The following TNIP1 variants were observed in gnomAD, a reference collection of about 807,000 sequenced individuals.
TNIP1 encodes the protein TNFAIP3 interacting protein 1, also known as TNFAIP3-interacting protein 1.
A neutral mutation model predicts 86.6 loss-of-function variants in TNIP1; 22 were observed. That is an observed-to-expected ratio of 0.25 (90% CI 0.18 to 0.36). The LOEUF (loss-of-function observed/expected upper bound fraction) is 0.36, where lower values mean the gene tolerates loss of function less well. Among genes scored for constraint, TNIP1 ranks in the 10% least tolerant of loss-of-function variants. The pLI, the probability that TNIP1 is intolerant of heterozygous loss-of-function variation, is 1.00. For synonymous variants in TNIP1, 294 were observed against 313.0 expected (o/e 0.94, Z 0.64); for missense variants, 709 against 820.6 (o/e 0.86, Z 1.66).
At chr5:151,086,321 T>A (rs1310083093) in intron 1 of TNIP1, among the ~76,000 whole-genome samples, 1 of 152,206 alleles carries the variant, frequency 6.6e-6, no homozygotes, top group African/African-American at 2.4e-5. Flanking sequence ...CTGCGTCAGC[T>A]GTGTCTGCCT....
intron 15 of TNIP1, chr5:151,034,762 G>A (rs1757480639): frequency 3.8e-6 from 2 of 530,732 alleles, no homozygotes; most frequent in Non-Finnish European, 6.8e-6. Context: ...GCCAAAGAAG[G>A]CTAGTCACAT....
Position 151,081,016 on chromosome 5 carries a change from G to A in TNIP1, c.-173C>T, listed in dbSNP as rs1312837906. The A allele has an allele frequency of 1.3e-5, 2 of 152,112 alleles. No individual in the cohort carries two copies. The highest frequency in any genetic ancestry group is 2.4e-5 in the African/African-American group (1 of 41,426). 9.4% of individuals were successfully genotyped at this position (152,112 alleles called of 1,614,324 possible). On this transcript the variant is annotated 5_prime_UTR_variant, in exon 1 of 18. Coordinates refer to ENST00000521591, the MANE Select transcript of TNIP1 (RefSeq NM_006058.5). ...GCTCCTGGACGGGGGCAGGGCACCCGGGCCGAGGACGAGGAAGTGCCGGGG... is the reference window on the plus strand; with the variant it reads ...GCTCCTGGACGGGGGCAGGGCACCCAGGCCGAGGACGAGGAAGTGCCGGGG...
intron 16 of TNIP1, 154 bp downstream of exon 16, chr5:151,033,454 C>T: frequency 3.9e-6 from 2 of 507,396 alleles, no homozygotes; most frequent in Non-Finnish European, 7.0e-6. Context: ...TGGGTAGCAG[C>T]CCAGAGCCAG....
chr5:151,061,546 T>C (rs919618654), intron 4 of TNIP1, among the ~76,000 whole-genome samples: 1 of 151,790 alleles, frequency 6.6e-6, no homozygotes, highest in Non-Finnish European at 1.5e-5. Context: ...GGCATCAACA[T>C]GGCTCACTGC....
intron 7 of TNIP1, among the ~76,000 whole-genome samples, chr5:151,050,660 GTCTCGT>G (rs1759792881): frequency 6.6e-6 from 1 of 151,988 alleles, no homozygotes; most frequent in Non-Finnish European, 1.5e-5. Context: ...TTGAGATAGG[GTCTCGT>G]TCTGTCACCC....
chr5:151,055,800 A>C (rs1241229230), intron 6 of TNIP1, among the ~76,000 whole-genome samples: 1 of 152,224 alleles, frequency 6.6e-6, no homozygotes, highest in African/African-American at 2.4e-5. Context: ...TGCAGGGAGT[A>C]AGGAGGCTTC....
chr5:151,040,795 T>C (rs2113379648), intron 11 of TNIP1, among the ~76,000 whole-genome samples: 1 of 152,290 alleles, frequency 6.6e-6, no homozygotes, highest in Middle Eastern at 3.4e-3. Context: ...GCAATCCAGG[T>C]TGAAAATGTC....
At chr5:151,065,629 G>A (rs1398618547) in intron 1 of TNIP1, among the ~76,000 whole-genome samples, 1 of 152,144 alleles carries the variant, frequency 6.6e-6, no homozygotes. Context: ...CTCTGAGGGA[G>A]GGAAATGAAA....
At chr5:151,059,822 AGAGAGAGTGTGTGT>A (rs1472245249) in intron 5 of TNIP1, among the ~76,000 whole-genome samples, 5 of 86,494 alleles carry the variant, frequency 5.8e-5, no homozygotes, top group Non-Finnish European at 8.5e-5. Context: ...AGAGAGAGAG[AGAGAGAGTGTGTGT>A]GTGTGTGTGT....
At chr5:151,067,651 A>C (rs1291349524) in intron 1 of TNIP1, among the ~76,000 whole-genome samples, 2 of 152,216 alleles carry the variant, frequency 1.3e-5, no homozygotes, top group African/African-American at 4.8e-5. Context: ...TGTAGATTAG[A>C]GGCTGCATGA....
intron 8 of TNIP1, among the ~76,000 whole-genome samples, chr5:151,047,458 C>T (rs1020340515): frequency 6.6e-6 from 1 of 152,146 alleles, no homozygotes; most frequent in Non-Finnish European, 1.5e-5. Context: ...CAACTGAATG[C>T]AATGTGGGAT....
chr5:151,035,832 G>A (rs940803872), intron 13 of TNIP1, 125 bp from the exon 14 acceptor site: 10 of 1,233,696 alleles, frequency 8.1e-6, no homozygotes, highest in African/African-American at 1.5e-5. Context: ...GCCATGGGGA[G>A]TGGGACAGCT....
At chr5:151,063,946 G>A (rs17111708) in intron 2 of TNIP1, among the ~76,000 whole-genome samples, 199 bp from the exon 3 acceptor site, 17,736 of 152,144 alleles carry the variant, frequency 0.12, 1,265 homozygotes, top group African/African-American at 0.2. Flanking sequence ...GAGCAAGGAC[G>A]AGGGCCCAGC....
Position 151,063,656 on chromosome 5 carries a change from A to C in TNIP1, c.228T>G (p.Pro76=). ...LVKDNELLPP[P]SPSLGSFDPL... ...GGTCGAAGGAGCCCAAGGAGGGAGA[A>C]GGTGGTGGGAGCAGCTCGTTGTCCT... Residue 76 remains proline (P), a synonymous_variant, in exon 3 of 18, where the codon CCT becomes CCG. Coordinates refer to ENST00000521591, the MANE Select transcript of TNIP1 (RefSeq NM_006058.5). 1 of 1,614,058 alleles carries C rather than the reference A, an allele frequency of 6.2e-7. No individual in the cohort carries two copies. Among genetic ancestry groups the C allele is most frequent in the Non-Finnish European group, 8.5e-7 (1 of 1,180,000 alleles).
chr5:151,039,031 G>T, intron 12 of TNIP1, 66 bp downstream of exon 12: 1 of 1,562,774 alleles, frequency 6.4e-7, no homozygotes. Flanking sequence ...GGGTGCCAGT[G>T]ATGGGGTGGG....
rs141094247 is a variant in TNIP1, at chr5:151,036,918, G to C, written c.1267C>G (p.Leu423Val). The change falls in exon 13 of 18, where the codon CTG becomes GTG. Residue 423 changes from leucine (L) to valine (V), a missense_variant. Coordinates refer to ENST00000521591, the MANE Select transcript of TNIP1 (RefSeq NM_006058.5). ...EKEIQRLNKA[L>V]EEALSIQTPP... ...GTTTGGATGCTCAGTGCTTCCTCCA[G>C]GGCCTGGAATCAGGAAAAGATGGGA... 2.1e-5 allele frequency: 34 copies of C among 1,600,226 alleles called. No individual in the cohort carries two copies. Among genetic ancestry groups the C allele is most frequent in the Admixed American group, 1.0e-4 (6 of 58,186 alleles).
At chr5:151,069,850 G>A (rs1358352083) in intron 1 of TNIP1, among the ~76,000 whole-genome samples, 5 of 152,184 alleles carry the variant, frequency 3.3e-5, no homozygotes, top group Non-Finnish European at 5.9e-5. Flanking sequence ...CACAGAAACC[G>A]GGTGATGGCT....
upstream of TNIP1, among the ~76,000 whole-genome samples, chr5:151,084,119 C>T (rs191812714): frequency 2.0e-5 from 3 of 152,316 alleles, no homozygotes; most frequent in Non-Finnish European, 4.4e-5. Context: ...ACATAGAACT[C>T]AGAGTGCCAG....
rs1166170050 is a variant in TNIP1 at position 151,029,995 on chromosome 5, C to T, written c.*718G>A. 2.2e-6 allele frequency: 1 copy of T among 449,422 alleles called. No homozygotes were observed. Among genetic ancestry groups the T allele is most frequent in the East Asian group, 7.0e-5 (1 of 14,242 alleles). The allele number at this position is 449,422 out of a possible 1,614,324, so 27.8% of individuals were successfully genotyped here. ...GTCCATGATTCGTGCAAATAGCTAT[C>T]CAGGGATGGACAGCCACCCTAATCT... is the stretch of plus-strand genomic sequence containing the variant. On this transcript the variant is annotated 3_prime_UTR_variant, in exon 18 of 18. Transcript: ENST00000521591.
Sources: allele counts gnomAD v4.1 joint callset (sites outside exome capture counted in the v4.1 genomes callset), GRCh38; gene constraint gnomAD v4.1.1; transcripts MANE v1.5; gene names NCBI Gene and HGNC (gene_info 2026-07-23, HGNC 2026-07-21).